The following DYNC2LI1 variants were observed in gnomAD, a reference collection of about 807,000 sequenced individuals.
DYNC2LI1 encodes dynein cytoplasmic 2 light intermediate chain 1.
Under a neutral mutation model 51.9 loss-of-function variants are expected in DYNC2LI1, and 45 were observed. The observed-to-expected ratio is 0.87, with a 90% CI of 0.68 to 1.11. The LOEUF is 1.11. Among genes scored for constraint, DYNC2LI1 ranks in the 50% most tolerant of loss-of-function variants. The probability of loss-of-function intolerance (pLI) is 0.00; values close to 1 mark genes in which losing one functional copy is unlikely to be tolerated. For missense variants in DYNC2LI1, 490 were observed against 417.4 expected, an observed-to-expected ratio of 1.17 and a Z score of -1.51; for synonymous variants, 130 against 137.8, an observed-to-expected ratio of 0.94 and a Z score of 0.40.
intron 3 of DYNC2LI1, among the ~76,000 whole-genome samples, chr2:43,784,221 TA>T (rs1349733011): frequency 6.6e-6 from 1 of 152,204 alleles, no homozygotes; most frequent in Non-Finnish European, 1.5e-5. Flanking sequence ...ATACAAATAA[TA>T]AATTCCTGCT....
chr2:43,822,470 TCCCCCA>T, the DYNC2LI1 span: 4 of 354,554 alleles, frequency 1.1e-5, no homozygotes, highest in Non-Finnish European at 1.4e-5. Flanking sequence ...CTTTCTCCCC[TCCCCCA>T]GGCCCCCCCC....
At chr2:43,791,486 T>TG (rs1237172467) in intron 5 of DYNC2LI1, among the ~76,000 whole-genome samples, 1 of 152,082 alleles carries the variant, frequency 6.6e-6, no homozygotes, top group Non-Finnish European at 1.5e-5. Flanking sequence ...TTCCTTTCCC[T>TG]GGAGCCCCAT....
chr2:43,822,478 G>GCACCCCCCCC, the DYNC2LI1 span: 1 of 432,260 alleles, frequency 2.3e-6, no homozygotes, highest in African/African-American at 2.2e-5. Context: ...CCTCCCCCAG[G>GCACCCCCCCC]CCCCCCCCCA....
At chr2:43,787,357 T>C in intron 4 of DYNC2LI1, 107 bp downstream of exon 4, 2 of 915,656 alleles carry the variant, frequency 2.2e-6, no homozygotes, top group Non-Finnish European at 1.7e-6. Context: ...ACATACCCAG[T>C]TGTACACTTC....
chr2:43,797,083 G>C (rs1665888793), intron 8 of DYNC2LI1, among the ~76,000 whole-genome samples: 1 of 151,998 alleles, frequency 6.6e-6, no homozygotes, highest in African/African-American at 2.4e-5. Context: ...ATTCATTTTT[G>C]GTATCCCCTT....
intron 2 of DYNC2LI1, among the ~76,000 whole-genome samples, chr2:43,782,016 T>TGTGTGTGTGTGTGTGC (rs1475592250): frequency 6.6e-6 from 1 of 151,612 alleles, no homozygotes; most frequent in African/African-American, 2.4e-5. Flanking sequence ...TGTCTATGTG[T>TGTGTGTGTGTGTGTGC]GTGTGTGTGT....
At chr2:43,780,563 A>G (rs1673229822) in intron 2 of DYNC2LI1, among the ~76,000 whole-genome samples, 1 of 152,158 alleles carries the variant, frequency 6.6e-6, no homozygotes, top group African/African-American at 2.4e-5. Context: ...GCTTCGTTTA[A>G]CAAGGCTGCA....
At chr2:43,822,579 A>C in the DYNC2LI1 span, 303 of 984,168 alleles carry the variant, frequency 3.1e-4, no homozygotes, top group South Asian at 4.9e-3. Context: ...GGCACATGTC[A>C]TCTTGTTGGT....
chr2:43,803,339 A>G (rs899695537), intron 10 of DYNC2LI1, among the ~76,000 whole-genome samples: 8 of 152,240 alleles, frequency 5.3e-5, no homozygotes, highest in Non-Finnish European at 8.8e-5. Context: ...CTACTCAGTC[A>G]TACAAAGGAA....
rs755134375 is a variant in DYNC2LI1, at chr2:43,794,651, G to C, written c.507+8G>C. ...ATGCCGAAGGATCATCCTGTGAGTT[G>C]CTGTTTGGGATTATTACTGGAATCC... On this transcript the variant is annotated splice_region_variant and intron_variant, in intron 6 of 12. Coordinates refer to ENST00000260605, the MANE Select transcript of DYNC2LI1 (RefSeq NM_016008.4). The C allele has an allele frequency of 1.3e-5, 21 of 1,614,044 alleles. No homozygotes were observed. The East Asian group carries it at 4.5e-4, about 34-fold the overall frequency.
chr2:43,814,629 T>C (rs762852222), downstream of DYNC2LI1: 2 of 1,181,794 alleles, frequency 1.7e-6, no homozygotes, highest in Middle Eastern at 2.2e-4. Flanking sequence ...CAGTAGGCTC[T>C]GGCAATAGTC....
chr2:43,788,089 TA>T (rs1198135030), intron 4 of DYNC2LI1, among the ~76,000 whole-genome samples: 6 of 152,174 alleles, frequency 3.9e-5, no homozygotes, highest in African/African-American at 1.4e-4. Context: ...TTGACATGAG[TA>T]ATAAGCCTAG....
At chr2:43,821,789 C>A in the DYNC2LI1 span, among the ~76,000 whole-genome samples, 1 of 152,104 alleles carries the variant, frequency 6.6e-6, no homozygotes, top group Non-Finnish European at 1.5e-5. Flanking sequence ...TTCAATCTCT[C>A]TCCCCAGTGC....
chr2:43,783,590 C>G, intron 3 of DYNC2LI1, 36 bp downstream of exon 3: 1 of 1,400,096 alleles, frequency 7.1e-7, no homozygotes, highest in Non-Finnish European at 9.6e-7. Flanking sequence ...TATATTTATG[C>G]TTATTCTAGT....
chr2:43,813,397 C>G, downstream of DYNC2LI1: 2 of 933,236 alleles, frequency 2.1e-6, no homozygotes, highest in Non-Finnish European at 3.4e-6. Context: ...GCTAAGTACC[C>G]TTAATGAAAA....
chr2:43,825,513 C>T, the DYNC2LI1 span, among the ~76,000 whole-genome samples: 6 of 152,170 alleles, frequency 3.9e-5, no homozygotes, highest in Non-Finnish European at 8.8e-5. Context: ...AAAAACACAG[C>T]CTTTGAAGCC....
chr2:43,782,154 A>G (rs1673317330), intron 2 of DYNC2LI1, among the ~76,000 whole-genome samples: 1 of 152,142 alleles, frequency 6.6e-6, no homozygotes, highest in African/African-American at 2.4e-5. Context: ...ATAGCTGTAT[A>G]TTATTCTATT....
chr2:43,806,576 T>C (rs893049259), intron 12 of DYNC2LI1, among the ~76,000 whole-genome samples: 5 of 152,240 alleles, frequency 3.3e-5, no homozygotes, highest in Non-Finnish European at 7.3e-5. Flanking sequence ...AGCCTGGCTA[T>C]AAGGATTAGT....
downstream of DYNC2LI1, chr2:43,810,600 C>A: frequency 1.2e-6 from 1 of 852,928 alleles, no homozygotes; most frequent in Non-Finnish European, 1.4e-6. Context: ...TATTGACTCC[C>A]AGCTTCAGAT....
Sources: allele counts gnomAD v4.1 joint callset (sites outside exome capture counted in the v4.1 genomes callset), GRCh38; gene constraint gnomAD v4.1.1; transcripts MANE v1.5; gene names NCBI Gene and HGNC (gene_info 2026-07-23, HGNC 2026-07-21).